Variants in RNF2 observed in about 807,000 individuals in gnomAD.
RNF2 encodes the protein ring finger protein 2, also known as E3 ubiquitin-protein ligase RING2.
Under a neutral mutation model 37.2 loss-of-function variants are expected in RNF2, and 6 were observed. That is an observed-to-expected ratio of 0.16 (90% confidence interval 0.09 to 0.32). The LOEUF (loss-of-function observed/expected upper bound fraction) is 0.32, where lower values mean the gene tolerates loss of function less well. RNF2 is among the 10% of genes least tolerant of loss of function. The pLI is 1.00. For synonymous variants in RNF2, 133 were observed against 132.7 expected, an observed-to-expected ratio of 1.00 and a Z score of -0.02; for missense variants, 251 against 404.0, an observed-to-expected ratio of 0.62 and a Z score of 3.25.
At chr1:185,067,228 C>T (rs1271730900) in intron 1 of RNF2, among the ~76,000 whole-genome samples, 1 of 152,118 alleles carries the variant, frequency 6.6e-6, no homozygotes, top group Non-Finnish European at 1.5e-5. Flanking sequence ...GTAAAGAACA[C>T]TTTGTGTCTT....
At chr1:185,057,037 G>A (rs560903625) in intron 1 of RNF2, among the ~76,000 whole-genome samples, 4 of 152,132 alleles carry the variant, frequency 2.6e-5, no homozygotes, top group South Asian at 2.1e-4. Context: ...GGCTGGGTGC[G>A]GTGGCTCATG....
At chr1:185,062,895 A>G (rs1401135615) in intron 1 of RNF2, among the ~76,000 whole-genome samples, 1 of 151,982 alleles carries the variant, frequency 6.6e-6, no homozygotes, top group Non-Finnish European at 1.5e-5. Flanking sequence ...AACAACAAAG[A>G]AGTATCATTT....
Position 185,098,655 on chromosome 1 carries a change from G to A in RNF2, c.737+311G>A, listed in dbSNP as rs1571329571. Among the ~76,000 whole-genome samples the A allele has an allele frequency of 2.0e-5, 3 of 152,168 alleles. No homozygotes were observed. The East Asian group carries it at 5.8e-4, about 29-fold the overall frequency. On this transcript the variant is annotated intron_variant, in intron 5 of 6. Transcript: ENST00000367510. ...TGGCAAGAATGGCTACGTTACCACT[G>A]TATCTCCAGCACACTGCTTGCTGTT...
intron 1 of RNF2, among the ~76,000 whole-genome samples, chr1:185,056,313 T>TG (rs1650432128): frequency 6.6e-6 from 1 of 151,838 alleles, no homozygotes; most frequent in Non-Finnish European, 1.5e-5. Flanking sequence ...GGTTTGCCAG[T>TG]GAAAAAAAAT....
intron 1 of RNF2, among the ~76,000 whole-genome samples, chr1:185,082,524 A>AT (rs58437021): frequency 0.019 from 2,765 of 146,316 alleles, 82 homozygotes; most frequent in African/African-American, 0.061. Context: ...TAATTTTTTT[A>AT]TTTTTTTTTT....
chr1:185,088,123 A>G (rs1651656139), intron 2 of RNF2, among the ~76,000 whole-genome samples: 1 of 152,218 alleles, frequency 6.6e-6, no homozygotes, highest in African/African-American at 2.4e-5. Context: ...GATGATTTTT[A>G]TATTAGTCTG....
At chr1:185,052,435 G>A (rs1390198255) in intron 1 of RNF2, among the ~76,000 whole-genome samples, 2 of 152,304 alleles carry the variant, frequency 1.3e-5, no homozygotes, top group Non-Finnish European at 1.5e-5. Context: ...GATGAACCTT[G>A]AAAATATGCC....
chr1:185,054,019 A>G (rs1650352975), intron 1 of RNF2, among the ~76,000 whole-genome samples: 1 of 152,128 alleles, frequency 6.6e-6, no homozygotes, highest in Non-Finnish European at 1.5e-5. Context: ...GTGTTTCTCT[A>G]GCACGCAAAC....
At chr1:185,082,859 G>A (rs960250656) in intron 1 of RNF2, among the ~76,000 whole-genome samples, 1 of 152,186 alleles carries the variant, frequency 6.6e-6, no homozygotes, top group Non-Finnish European at 1.5e-5. Flanking sequence ...GTAACAAGTC[G>A]TTAGCAAAAA....
At chr1:185,070,058 G>A (rs142815677) in intron 1 of RNF2, among the ~76,000 whole-genome samples, 223 of 152,236 alleles carry the variant, frequency 1.5e-3, no homozygotes, top group African/African-American at 5.2e-3. Flanking sequence ...CAGTAAGTTG[G>A]GGGTAGCTAA....
chr1:185,076,268 G>GTTTTTTTTTTTTTTTTTTTTTTTTTTT lies in RNF2; in HGVS notation c.-2-11270_-2-11244dup, dbSNP rs71101959. 6.2e-4 allele frequency among the ~76,000 whole-genome samples: 17 copies of GTTTTTTTTTTTTTTTTTTTTTTTTTTT among 27,348 alleles called. 6 individuals are homozygous for GTTTTTTTTTTTTTTTTTTTTTTTTTTT. The highest frequency in any genetic ancestry group is 1.8e-3 in the East Asian group (2 of 1,118). 17.9% of individuals were successfully genotyped at this position (27,348 alleles called of 152,430 possible). ...TTTTCTTCTAGATCTTTTATGGGTT[G>GTTTTTTTTTTTTTTTTTTTTTTTTTTT]TTTTTTTTTTTTTTTTTTTTTTTTT... On this transcript the variant is annotated intron_variant, in intron 1 of 6. Coordinates refer to ENST00000367510, the MANE Select transcript of RNF2 (RefSeq NM_007212.4).
chr1:185,077,934 G>C (rs75300063), intron 1 of RNF2, among the ~76,000 whole-genome samples: 1 of 151,928 alleles, frequency 6.6e-6, no homozygotes. Flanking sequence ...TAGTATTTTC[G>C]TTTTATTCAT....
At chr1:185,063,667 A>T (rs1353475813) in intron 1 of RNF2, among the ~76,000 whole-genome samples, 1 of 152,194 alleles carries the variant, frequency 6.6e-6, no homozygotes, top group Non-Finnish European at 1.5e-5. Context: ...GAAGTCCAAA[A>T]TGAGTCTTAC....
intron 1 of RNF2, among the ~76,000 whole-genome samples, chr1:185,076,279 T>G (rs1312244996): frequency 1.9e-3 from 74 of 39,704 alleles, no homozygotes; most frequent in African/African-American, 8.0e-3. Flanking sequence ...TTTTTTTTTT[T>G]TTTTTTTTTT....
In RNF2 at chr1:185,088,493, T is replaced by G. The variant is rs961154415; in HGVS notation, c.87+853T>G. On this transcript the variant is annotated intron_variant, in intron 2 of 6. Coordinates refer to ENST00000367510, the MANE Select transcript of RNF2 (RefSeq NM_007212.4). ...ATCACTTGAACCTGGGAGGCGGTGG[T>G]TGCAGTGAGCCGAGATTGCGCCATT... Among the ~76,000 whole-genome samples the G allele has an allele frequency of 7.2e-5, 11 of 151,764 alleles. 1 individual carries two copies. Among genetic ancestry groups the G allele is most frequent in the Admixed American group, 5.3e-4 (8 of 15,224 alleles).
intron 1 of RNF2, among the ~76,000 whole-genome samples, chr1:185,074,087 T>C (rs1360810531): frequency 6.6e-6 from 1 of 152,208 alleles, no homozygotes; most frequent in Admixed American, 6.5e-5. Context: ...TTTACTTACA[T>C]TTATCAGTTT....
chr1:185,087,446 T>G, intron 1 of RNF2, 106 bp from the exon 2 acceptor site: 5 of 880,904 alleles, frequency 5.7e-6, no homozygotes, highest in Non-Finnish European at 5.6e-6. Context: ...TATTACTTCA[T>G]TGAGATTAGA....
chr1:185,090,438 T>G (rs1453665410), intron 2 of RNF2, among the ~76,000 whole-genome samples: 5 of 152,224 alleles, frequency 3.3e-5, no homozygotes, highest in Non-Finnish European at 7.3e-5. Context: ...GTTTCCTAAA[T>G]CAAGTTTGTC....
rs574427728 is a variant in RNF2, at chr1:185,096,223, A to G, written c.465-1849A>G. 6.0e-4 allele frequency among the ~76,000 whole-genome samples: 91 copies of G among 152,300 alleles called. No individual in the cohort carries two copies. The Middle Eastern group carries it at 0.01, about 17-fold the overall frequency. On this transcript the variant is annotated intron_variant, in intron 4 of 6. Transcript: ENST00000367510. ...TATCAATTTTTTGTCCCATTATTTT[A>G]GCCCGTTCATACCTTTTTTTCAAAA...
Sources: gnomAD v4.1 joint callset for allele counts (sites outside exome capture counted in the v4.1 genomes callset) on GRCh38, gnomAD v4.1.1 for gene constraint, MANE v1.5 for transcripts, NCBI Gene and HGNC (gene_info 2026-07-23, HGNC 2026-07-21) for gene names.